RC3H1: variants seen among roughly 807,000 people sequenced by gnomAD.
RC3H1 encodes the protein roquin-1.
RC3H1 carries 50 observed loss-of-function variants against 138.2 expected under a neutral mutation model. The ratio of observed to expected loss-of-function variants is 0.36; its 90% CI spans 0.29 to 0.46. RC3H1 has a LOEUF of 0.46. Ranked by LOEUF, RC3H1 falls within the 20% of genes least tolerant of loss-of-function variation. The probability of loss-of-function intolerance (pLI) is 1.00; values close to 1 mark genes in which losing one functional copy is unlikely to be tolerated. For synonymous variants in RC3H1, 462 were observed against 489.1 expected, an observed-to-expected ratio of 0.94 and a Z score of 0.73; for missense variants, 1,031 against 1,388.1, an observed-to-expected ratio of 0.74 and a Z score of 4.09.
intron 1 of RC3H1, among the ~76,000 whole-genome samples, chr1:174,020,438 T>C (rs1227454753): frequency 6.6e-6 from 1 of 152,174 alleles, no homozygotes; most frequent in Admixed American, 6.5e-5. Context: ...TATAATGTTT[T>C]TAATTAGAAC....
At chr1:173,961,017 A>G (rs1659849576) in intron 13 of RC3H1, 60 bp downstream of exon 13, 1 of 1,522,878 alleles carries the variant, frequency 6.6e-7, no homozygotes, top group South Asian at 1.2e-5. Flanking sequence ...GGCAAAGATG[A>G]CTTAAACCGG....
intron 10 of RC3H1, 37 bp from the exon 11 acceptor site, chr1:173,964,224 ACTTCTC>A (rs1660003071): frequency 4.1e-6 from 6 of 1,475,152 alleles, no homozygotes; most frequent in Non-Finnish European, 5.7e-6. Flanking sequence ...TTTAAAAAAT[ACTTCTC>A]ATGTGCATAA....
chr1:173,983,174 G>A, intron 4 of RC3H1: 1 of 520,754 alleles, frequency 1.9e-6, no homozygotes, highest in Non-Finnish European at 3.2e-6. Flanking sequence ...GTGAAAAAAA[G>A]GAAAAATCAA....
chr1:174,000,809 T>C lies in RC3H1; in HGVS notation c.-150-7674A>G, dbSNP rs1661550500. ...GAAGAAAACTAATGAAGGCCTATTA[T>C]AACACTTAATTTTTTAATCCTCAGC... On this transcript the variant is annotated intron_variant, in intron 1 of 19. Coordinates refer to ENST00000367696, the MANE Select transcript of RC3H1 (RefSeq NM_172071.4). Among the ~76,000 whole-genome samples the C allele has an allele frequency of 2.0e-5, 3 of 152,188 alleles. No homozygotes were observed. In the South Asian group the frequency reaches 6.2e-4, roughly 32 times the overall value.
chr1:173,955,225 CAAAAAAAA>C (rs560354496), intron 13 of RC3H1, among the ~76,000 whole-genome samples: 1 of 60,804 alleles, frequency 1.6e-5, no homozygotes, highest in East Asian at 5.4e-4. Flanking sequence ...AACTCTGTCA[CAAAAAAAA>C]AAAAAAAAAA....
chr1:173,973,741 C>G (rs1344877283), intron 7 of RC3H1, among the ~76,000 whole-genome samples: 1 of 152,016 alleles, frequency 6.6e-6, no homozygotes, highest in Non-Finnish European at 1.5e-5. Flanking sequence ...CTCAGACACC[C>G]TGAAAGAATT....
chr1:173,938,704 G>C lies in RC3H1; in HGVS notation c.*17C>G, dbSNP rs1234801338. The C allele has an allele frequency of 1.9e-6, 3 of 1,580,042 alleles. No homozygotes were observed. The highest frequency in any genetic ancestry group is 2.6e-6 in the Non-Finnish European group (3 of 1,160,560). ...AACTGATTAGGAGCAGAAGATAAAA[G>C]TAGGACTCCTCATATTTTAAGGAGC... On this transcript the variant is annotated 3_prime_UTR_variant, in exon 20 of 20. Coordinates refer to ENST00000367696, the MANE Select transcript of RC3H1 (RefSeq NM_172071.4).
At chr1:173,981,098 G>A in intron 5 of RC3H1, 89 bp from the exon 6 acceptor site, 1 of 1,066,146 alleles carries the variant, frequency 9.4e-7, no homozygotes. Context: ...AACAAATTTA[G>A]CATCAACAGC....
chr1:174,014,050 G>A (rs1661815381), intron 1 of RC3H1, among the ~76,000 whole-genome samples: 4 of 152,194 alleles, frequency 2.6e-5, no homozygotes. Flanking sequence ...GGTAGCCAGA[G>A]GTTCAGAGGG....
At chr1:174,005,077 G>A (rs1276940301) in intron 1 of RC3H1, among the ~76,000 whole-genome samples, 1 of 152,088 alleles carries the variant, frequency 6.6e-6, no homozygotes, top group Non-Finnish European at 1.5e-5. Context: ...CTTCAACCTG[G>A]GTGGCCCTGA....
chr1:173,960,760 AAAG>A (rs1659837469), intron 13 of RC3H1, among the ~76,000 whole-genome samples: 1 of 152,212 alleles, frequency 6.6e-6, no homozygotes, highest in Non-Finnish European at 1.5e-5. Flanking sequence ...GACTGACGGA[AAAG>A]AATAGGGTCA....
intron 7 of RC3H1, among the ~76,000 whole-genome samples, chr1:173,974,759 G>C (rs757289245): frequency 1.3e-5 from 2 of 152,134 alleles, no homozygotes; most frequent in Non-Finnish European, 2.9e-5. Context: ...TTTACTCTGA[G>C]TTGATAGAAA....
chr1:173,983,003 T>A, intron 4 of RC3H1, 101 bp from the exon 5 acceptor site: 2 of 1,036,710 alleles, frequency 1.9e-6, no homozygotes, highest in Non-Finnish European at 2.8e-6. Context: ...GCTATTCAAT[T>A]AACTGGCAAT....
chr1:173,968,890 G>A (rs186676050), intron 9 of RC3H1, among the ~76,000 whole-genome samples: 2 of 131,234 alleles, frequency 1.5e-5, no homozygotes, highest in African/African-American at 3.2e-5. Context: ...ACAGAGTCTC[G>A]CACTGTCGTT....
chr1:173,955,052 C>G (rs1475524016), intron 13 of RC3H1, among the ~76,000 whole-genome samples: 1 of 151,192 alleles, frequency 6.6e-6, no homozygotes, highest in Non-Finnish European at 1.5e-5. Flanking sequence ...CGGTGAAACC[C>G]TGTTCCTACT....
chr1:173,945,216 C>T (rs1659082315), intron 17 of RC3H1, among the ~76,000 whole-genome samples: 1 of 151,658 alleles, frequency 6.6e-6, no homozygotes, highest in Non-Finnish European at 1.5e-5. Flanking sequence ...CTCAACCTCC[C>T]TGGGCTCAGG....
chr1:173,955,933 C>T (rs1659625707), intron 13 of RC3H1, among the ~76,000 whole-genome samples: 1 of 151,928 alleles, frequency 6.6e-6, no homozygotes, highest in African/African-American at 2.4e-5. Flanking sequence ...GAGATCAAGA[C>T]CAGCCTGGCC....
intron 7 of RC3H1, among the ~76,000 whole-genome samples, chr1:173,978,002 GA>G (rs941025735): frequency 1.3e-5 from 2 of 152,124 alleles, no homozygotes; most frequent in African/African-American, 4.8e-5. Flanking sequence ...AGTGCAAGTT[GA>G]AAAATGAAGG....
intron 9 of RC3H1, among the ~76,000 whole-genome samples, chr1:173,966,091 G>A (rs955284239): frequency 3.9e-5 from 6 of 152,162 alleles, no homozygotes; most frequent in South Asian, 2.1e-4. Context: ...AGTGAGCCAA[G>A]ATTGCACCAC....
Sources: allele counts gnomAD v4.1 joint callset (sites outside exome capture counted in the v4.1 genomes callset), GRCh38; gene constraint gnomAD v4.1.1; transcripts MANE v1.5; gene names NCBI Gene and HGNC (gene_info 2026-07-23, HGNC 2026-07-21).